Variants in GABRB2 observed in about 807,000 individuals in gnomAD.
GABRB2 encodes the protein gamma-aminobutyric acid type A receptor subunit beta2, also known as gamma-aminobutyric acid receptor subunit beta-2.
GABRB2 carries 16 observed loss-of-function variants against 54.7 expected under a neutral mutation model. That is an observed-to-expected ratio of 0.29 (90% CI 0.20 to 0.44). The LOEUF (loss-of-function observed/expected upper bound fraction) is 0.44. Ranked by LOEUF, GABRB2 falls within the 20% of genes least tolerant of loss-of-function variation. The pLI, the probability that GABRB2 is intolerant of heterozygous loss-of-function variation, is 1.00. For synonymous variants in GABRB2, 244 were observed against 233.8 expected (o/e 1.04, Z -0.40); for missense variants, 355 against 644.0 (o/e 0.55, Z 4.86).
intron 3 of GABRB2, among the ~76,000 whole-genome samples, chr5:161,481,885 A>C (rs1581022680): frequency 6.6e-6 from 1 of 152,026 alleles, no homozygotes; most frequent in Non-Finnish European, 1.5e-5. Context: ...TGATCCAGAA[A>C]GGAGTCAATG....
chr5:161,369,314 C>T (rs1416521849), intron 5 of GABRB2, among the ~76,000 whole-genome samples: 1 of 152,152 alleles, frequency 6.6e-6, no homozygotes, highest in African/African-American at 2.4e-5. Flanking sequence ...GAGCAATACT[C>T]TTTTTCTAAA....
At chr5:161,383,048 C>CT (rs1237485150) in intron 5 of GABRB2, among the ~76,000 whole-genome samples, 3 of 152,128 alleles carry the variant, frequency 2.0e-5, no homozygotes, top group Admixed American at 2.0e-4. Context: ...TTTGTTTTCC[C>CT]TTTTTTCTTA....
intron 3 of GABRB2, among the ~76,000 whole-genome samples, chr5:161,462,789 TC>T (rs1561659081): frequency 6.6e-6 from 1 of 152,182 alleles, no homozygotes; most frequent in African/African-American, 2.4e-5. Flanking sequence ...CAAATACACA[TC>T]ATGACACTGT....
At position 161,502,794 on chromosome 5, in the gene GABRB2, C is replaced by T. The variant is rs188569392; in HGVS notation, c.237+42433G>A. On this transcript the variant is annotated intron_variant, in intron 3 of 9. Transcript: ENST00000393959. ...GATGAAGTAGCCGAAATTTGTAAAG[C>T]AAACTACTGGGTAGGATACTGGAGA... 3.1e-3 allele frequency among the ~76,000 whole-genome samples: 469 copies of T among 152,274 alleles called. 7 individuals carry two copies. The South Asian group carries it at 0.05, about 16-fold the overall frequency.
intron 9 of GABRB2, among the ~76,000 whole-genome samples, chr5:161,302,606 G>C (rs1403941256): frequency 1.3e-5 from 2 of 152,172 alleles, no homozygotes; most frequent in Non-Finnish European, 2.9e-5. Context: ...AAAAATCCAA[G>C]AAATCCTAAC....
chr5:161,385,915 A>G (rs183360855), intron 5 of GABRB2, among the ~76,000 whole-genome samples: 10 of 151,706 alleles, frequency 6.6e-5, no homozygotes, highest in Admixed American at 6.6e-4. Flanking sequence ...CTTGGCACAT[A>G]GTTAACTTTT....
At chr5:161,476,645 C>A (rs749853194) in intron 3 of GABRB2, among the ~76,000 whole-genome samples, 2 of 151,664 alleles carry the variant, frequency 1.3e-5, no homozygotes, top group Admixed American at 6.6e-5. Context: ...CTCAAATGTA[C>A]GAATAAATGC....
chr5:161,483,962 T>C (rs910636661), intron 3 of GABRB2, among the ~76,000 whole-genome samples: 4 of 151,930 alleles, frequency 2.6e-5, no homozygotes, highest in Non-Finnish European at 5.9e-5. Context: ...ATATGCTTCC[T>C]TGTGATTTTC....
intron 3 of GABRB2, among the ~76,000 whole-genome samples, chr5:161,521,133 C>T (rs1760100280): frequency 6.6e-6 from 1 of 151,918 alleles, no homozygotes; most frequent in Admixed American, 6.6e-5. Context: ...TTACCCAATG[C>T]ATTAAAATGA....
chr5:161,489,332 A>G (rs1759028783), intron 3 of GABRB2, among the ~76,000 whole-genome samples: 1 of 151,744 alleles, frequency 6.6e-6, no homozygotes, highest in African/African-American at 2.4e-5. Context: ...GAGGCAGATA[A>G]TAATGGGTAA....
chr5:161,340,936 C>T (rs985327739), intron 5 of GABRB2, among the ~76,000 whole-genome samples: 4 of 151,946 alleles, frequency 2.6e-5, no homozygotes, highest in African/African-American at 9.7e-5. Context: ...GAATCTGACA[C>T]AATAAACACC....
rs749615089 is a variant in GABRB2 at position 161,546,694 on chromosome 5, A to C, written c.-51T>G. 5 of 1,555,424 alleles carry C rather than the reference A, an allele frequency of 3.2e-6. No individual in the cohort carries two copies. In the Admixed American group the frequency reaches 9.8e-5, roughly 30 times the overall value. ...GGTTTCACTGAAGAGAGGAGATCCAACTTAGTCTGCCCAGTGCAGTAATTC... is the reference window on the plus strand; with the variant it reads ...GGTTTCACTGAAGAGAGGAGATCCACCTTAGTCTGCCCAGTGCAGTAATTC... On this transcript the variant is annotated 5_prime_UTR_variant, in exon 1 of 10. Coordinates refer to ENST00000393959, the MANE Select transcript of GABRB2 (RefSeq NM_001371727.1).
intron 9 of GABRB2, among the ~76,000 whole-genome samples, chr5:161,313,048 T>C (rs1757920742): frequency 6.6e-6 from 1 of 152,224 alleles, no homozygotes; most frequent in African/African-American, 2.4e-5. Flanking sequence ...TCCTTTGTGC[T>C]AGCATTTCTC....
intron 3 of GABRB2, 104 bp downstream of exon 3, chr5:161,545,123 T>A: frequency 2.9e-6 from 2 of 694,292 alleles, no homozygotes; most frequent in Non-Finnish European, 4.8e-6. Flanking sequence ...CCCCACCTCA[T>A]ACACATAGCC....
chr5:161,300,500 A>G (rs767105599), intron 9 of GABRB2, among the ~76,000 whole-genome samples: 1 of 152,186 alleles, frequency 6.6e-6, no homozygotes, highest in African/African-American at 2.4e-5. Context: ...CATTTTAACA[A>G]TTCTGGGTTG....
chr5:161,512,336 C>T (rs1759798893), intron 3 of GABRB2, among the ~76,000 whole-genome samples: 2 of 151,958 alleles, frequency 1.3e-5, no homozygotes, highest in African/African-American at 2.4e-5. Context: ...CAACTTCAAA[C>T]AATACCATAA....
intron 4 of GABRB2, among the ~76,000 whole-genome samples, chr5:161,417,527 G>A (rs967296965): frequency 6.6e-6 from 1 of 152,142 alleles, no homozygotes; most frequent in African/African-American, 2.4e-5. Flanking sequence ...ACTTGGTAAA[G>A]TCATTTAGCT....
intron 8 of GABRB2, among the ~76,000 whole-genome samples, chr5:161,328,088 G>A (rs927903095): frequency 1.2e-4 from 19 of 152,102 alleles, no homozygotes; most frequent in Non-Finnish European, 2.5e-4. Context: ...TCTGCTCTAA[G>A]AAATAATTAA....
At chr5:161,545,351 A>G in intron 2 of GABRB2, 57 bp from the exon 3 acceptor site, 1 of 1,394,792 alleles carries the variant, frequency 7.2e-7, no homozygotes, top group Non-Finnish European at 9.9e-7. Flanking sequence ...ATTCTCAGCA[A>G]GAGTTATCCC....
Sources: allele counts gnomAD v4.1 joint callset (sites outside exome capture counted in the v4.1 genomes callset), GRCh38; gene constraint gnomAD v4.1.1; transcripts MANE v1.5; gene names NCBI Gene and HGNC (gene_info 2026-07-23, HGNC 2026-07-21).